Variants in SEMA3D observed in about 807,000 individuals in gnomAD.
SEMA3D encodes the protein semaphorin-3D.
In SEMA3D, 84 loss-of-function variants were observed where a neutral mutation model predicts 100.1. The observed-to-expected ratio is 0.84, with a 90% confidence interval of 0.70 to 1.01. The LOEUF (loss-of-function observed/expected upper bound fraction) is 1.01. SEMA3D is among the 50% of genes least tolerant of loss of function. The pLI, the probability that SEMA3D is intolerant of heterozygous loss-of-function variation, is 0.00. For missense variants in SEMA3D, 875 were observed against 934.1 expected (o/e 0.94, Z 0.82); for synonymous variants, 312 against 320.7 (o/e 0.97, Z 0.29).
chr7:85,135,349 T>C (rs1189817201), intron 2 of SEMA3D, among the ~76,000 whole-genome samples: 2 of 152,084 alleles, frequency 1.3e-5, no homozygotes, highest in Non-Finnish European at 2.9e-5. Context: ...TGCACATGAA[T>C]CATGTTGGTA....
In SEMA3D at chr7:85,012,805, G is replaced by A. The variant is rs1789992973; in HGVS notation, c.1745C>T (p.Thr582Ile). 2 of 1,610,540 alleles carry A rather than the reference G, an allele frequency of 1.2e-6. No individual in the cohort carries two copies. Among genetic ancestry groups the A allele is most frequent in the Non-Finnish European group, 1.7e-6 (2 of 1,177,588 alleles). Reference sequence around the variant, plus strand: ...ACTGTCTTCGATGTCCCAGCACTGGGTGATTGGGTCGCCATATTTTACATC... The same window carrying A: ...ACTGTCTTCGATGTCCCAGCACTGGATGATTGGGTCGCCATATTTTACATC... ...RQDVKYGDPI[T>I]QCWDIEDSIS... The change falls in exon 17 of 19, where the codon ACC becomes ATC. Residue 582 changes from threonine (T) to isoleucine (I), a missense_variant. Coordinates refer to ENST00000284136, the MANE Select transcript of SEMA3D (RefSeq NM_001384900.1).
the SEMA3D span, among the ~76,000 whole-genome samples, chr7:85,219,002 C>G: frequency 1.3e-5 from 2 of 152,088 alleles, no homozygotes; most frequent in African/African-American, 4.8e-5. Context: ...GAGCTACGCA[C>G]TTATTTTGAA....
At chr7:85,195,081 A>T in the SEMA3D span, among the ~76,000 whole-genome samples, 1 of 152,080 alleles carries the variant, frequency 6.6e-6, no homozygotes, top group Non-Finnish European at 1.5e-5. Flanking sequence ...GTTTAGAGAC[A>T]TTTTCTTTCT....
At chr7:85,144,430 C>G (rs1446995081) in intron 2 of SEMA3D, 5 of 974,292 alleles carry the variant, frequency 5.1e-6, no homozygotes, top group Non-Finnish European at 4.9e-6. Flanking sequence ...ATGTAAATAC[C>G]CACACACTTC....
chr7:85,051,004 G>A, intron 9 of SEMA3D, among the ~76,000 whole-genome samples: 1 of 151,896 alleles, frequency 6.6e-6, no homozygotes, highest in East Asian at 1.9e-4. Flanking sequence ...TCACTGTAGT[G>A]TGACCAGATA....
intron 17 of SEMA3D, among the ~76,000 whole-genome samples, chr7:85,011,361 G>T (rs1201590583): frequency 6.6e-6 from 1 of 151,780 alleles, no homozygotes; most frequent in African/African-American, 2.4e-5. Flanking sequence ...TGATGATGAT[G>T]ATTATTAGAA....
intron 3 of SEMA3D, among the ~76,000 whole-genome samples, chr7:85,114,655 A>C (rs2116377825): frequency 6.6e-6 from 1 of 152,264 alleles, no homozygotes; most frequent in Non-Finnish European, 1.5e-5. Flanking sequence ...AGACAACCTA[A>C]AACATCTGAA....
At chr7:85,088,846 A>C (rs1313592063) in intron 4 of SEMA3D, among the ~76,000 whole-genome samples, 1 of 152,132 alleles carries the variant, frequency 6.6e-6, no homozygotes, top group African/African-American at 2.4e-5. Flanking sequence ...GGTCTTTTCC[A>C]TGATTTTTCT....
the SEMA3D span, among the ~76,000 whole-genome samples, chr7:85,249,852 C>T: frequency 1.3e-5 from 2 of 151,996 alleles, no homozygotes; most frequent in African/African-American, 2.4e-5. Flanking sequence ...ATTTTCGATA[C>T]CTGAGGGAGG....
In SEMA3D at chr7:85,138,638, TTA is replaced by T. The variant is rs985753473; in HGVS notation, c.-41+14968_-41+14969del. Among the ~76,000 whole-genome samples, 533 of 124,324 alleles carry T rather than the reference TTA, an allele frequency of 4.3e-3. 7 individuals carry two copies. The highest frequency in any genetic ancestry group is 0.018 in the African/African-American group (510 of 29,106). The allele number at this position is 124,324 out of a possible 152,430, so 81.6% of individuals were successfully genotyped here. A position where few individuals can be genotyped will look rare whatever the true frequency, so the allele number is the denominator to read the frequency against. On this transcript the variant is annotated intron_variant, in intron 2 of 18. Coordinates refer to ENST00000284136, the MANE Select transcript of SEMA3D (RefSeq NM_001384900.1). ...TATAATTTATAATATATAAATTAAA[TTA>T]TATATATTTAATTTAATATATATAT...
chr7:85,185,135 T>C (rs564032358), intron 1 of SEMA3D, among the ~76,000 whole-genome samples: 23 of 152,280 alleles, frequency 1.5e-4, no homozygotes, highest in African/African-American at 4.8e-4. Context: ...ACTGGAGTGA[T>C]GACATGTGGC....
At position 85,161,440 on chromosome 7, in the gene SEMA3D, C is replaced by A. The variant is rs150025861; in HGVS notation, c.-172-7701G>T. Among the ~76,000 whole-genome samples, 244 of 151,996 alleles carry A rather than the reference C, an allele frequency of 1.6e-3. 1 individual carries two copies. In the East Asian group the frequency reaches 0.016, roughly 10 times the overall value. On this transcript the variant is annotated intron_variant, in intron 1 of 18. Transcript: ENST00000284136. ...CATAAATATTTTATAATGTTTTAAT[C>A]ATAAAATTGTTCCTCCCTCCCCTGC... is the stretch of plus-strand genomic sequence containing the variant.
At chr7:85,186,381 T>C (rs1373257852) in intron 1 of SEMA3D, among the ~76,000 whole-genome samples, 1 of 152,118 alleles carries the variant, frequency 6.6e-6, no homozygotes, top group Non-Finnish European at 1.5e-5. Flanking sequence ...GAAAACTTTG[T>C]GCAGTGCTGC....
intron 12 of SEMA3D, among the ~76,000 whole-genome samples, chr7:85,033,141 G>T (rs1185264116): frequency 6.6e-6 from 1 of 152,070 alleles, no homozygotes; most frequent in African/African-American, 2.4e-5. Flanking sequence ...GTATTTATTT[G>T]ATGGTTTAGA....
rs545230540 is a variant in SEMA3D, at chr7:85,004,870, C to G, written c.1908+1932G>C. ...TTGAAATATTACAGCAAAGATACTT[C>G]TTTTAAGTAAAATTCGATAAGTATT... On this transcript the variant is annotated intron_variant, in intron 18 of 18. Coordinates refer to ENST00000284136, the MANE Select transcript of SEMA3D (RefSeq NM_001384900.1). Among the ~76,000 whole-genome samples, 12 of 152,026 alleles carry G rather than the reference C, an allele frequency of 7.9e-5. No homozygotes were observed. In the East Asian group the frequency reaches 2.1e-3, roughly 27 times the overall value.
intron 2 of SEMA3D, among the ~76,000 whole-genome samples, chr7:85,131,948 C>A (rs143511733): frequency 6.6e-6 from 1 of 151,696 alleles, no homozygotes; most frequent in Admixed American, 6.6e-5. Flanking sequence ...AAATATGATG[C>A]CACTTAGGAA....
intron 2 of SEMA3D, among the ~76,000 whole-genome samples, chr7:85,122,241 A>AG (rs1789445646): frequency 6.6e-6 from 1 of 151,900 alleles, no homozygotes; most frequent in Non-Finnish European, 1.5e-5. Flanking sequence ...ACAAAAAAAA[A>AG]AAACTATTAA....
rs1312399486 is a variant in SEMA3D at position 85,140,114 on chromosome 7, T to C, written c.-41+13494A>G. 5.6e-5 allele frequency: 21 copies of C among 372,034 alleles called. No homozygotes were observed. In the South Asian group the frequency reaches 7.7e-4, roughly 14 times the overall value. 23.0% of individuals were successfully genotyped at this position (372,034 alleles called of 1,614,324 possible). ...ATATTACTGCAGACTACTATTATCA[T>C]ATAATTTTCAAAATGTTTATATATT... On this transcript the variant is annotated intron_variant, in intron 2 of 18. Coordinates refer to ENST00000284136, the MANE Select transcript of SEMA3D (RefSeq NM_001384900.1).
intron 1 of SEMA3D, among the ~76,000 whole-genome samples, chr7:85,165,846 C>A (rs1456554659): frequency 6.6e-6 from 1 of 152,020 alleles, no homozygotes. Context: ...TCACGCATCT[C>A]AAACACTACA....
Sources: allele counts gnomAD v4.1 joint callset (sites outside exome capture counted in the v4.1 genomes callset), GRCh38; gene constraint gnomAD v4.1.1; transcripts MANE v1.5; gene names NCBI Gene and HGNC (gene_info 2026-07-23, HGNC 2026-07-21).